SSH2: variants seen among roughly 807,000 people sequenced by gnomAD.
SSH2 encodes the protein slingshot protein phosphatase 2.
A neutral mutation model predicts 135.2 loss-of-function variants in SSH2; 37 were observed. That is an observed-to-expected ratio of 0.27 (90% CI 0.21 to 0.36). The LOEUF (loss-of-function observed/expected upper bound fraction) is 0.36. Among genes scored for constraint, SSH2 ranks in the 10% least tolerant of loss-of-function variants. The pLI, the probability that SSH2 is intolerant of heterozygous loss-of-function variation, is 1.00. For missense variants in SSH2, 1,408 were observed against 1,765.3 expected, an observed-to-expected ratio of 0.80 and a Z score of 3.63; for synonymous variants, 628 against 646.2, an observed-to-expected ratio of 0.97 and a Z score of 0.43.
intron 2 of SSH2, among the ~76,000 whole-genome samples, chr17:29,811,941 G>A (rs1169196056): frequency 6.6e-6 from 1 of 151,786 alleles, no homozygotes; most frequent in Admixed American, 6.6e-5. Flanking sequence ...ATTTTCTATC[G>A]ACTATTTTAA....
chr17:29,827,865 A>G (rs1175264549), intron 2 of SSH2, among the ~76,000 whole-genome samples: 1 of 152,170 alleles, frequency 6.6e-6, no homozygotes, highest in Non-Finnish European at 1.5e-5. Context: ...AGGTTTTAGT[A>G]GTAATGCTAT....
At chr17:29,705,509 TTATC>T (rs1325663569) in intron 3 of SSH2, among the ~76,000 whole-genome samples, 3 of 152,180 alleles carry the variant, frequency 2.0e-5, no homozygotes, top group African/African-American at 4.8e-5. Context: ...CTGCCCTCGA[TTATC>T]TATCTACTCA....
At chr17:29,719,072 C>T (rs1598871488) in intron 3 of SSH2, among the ~76,000 whole-genome samples, 1 of 152,110 alleles carries the variant, frequency 6.6e-6, no homozygotes, top group Middle Eastern at 3.4e-3. Flanking sequence ...CAATACTGGG[C>T]GGCAACAACC....
chr17:29,786,010 C>G (rs1327595493), intron 3 of SSH2, among the ~76,000 whole-genome samples: 2 of 150,988 alleles, frequency 1.3e-5, no homozygotes, highest in African/African-American at 4.9e-5. Flanking sequence ...TTCACCGTGT[C>G]AGCCAGGATG....
At chr17:29,723,847 A>G (rs147704624) in intron 3 of SSH2, among the ~76,000 whole-genome samples, 1 of 152,276 alleles carries the variant, frequency 6.6e-6, no homozygotes, top group East Asian at 1.9e-4. Context: ...CTTCCACTTG[A>G]AAAATTTACT....
rs1567831035 is a variant in SSH2, at chr17:29,636,428, T to C, written c.1802A>G (p.Lys601Arg). 2 of 1,614,086 alleles carry C rather than the reference T, an allele frequency of 1.2e-6. No individual in the cohort carries two copies. The highest frequency in any genetic ancestry group is 8.5e-7 in the Non-Finnish European group (1 of 1,180,044). ...GACATGTCCAGGCTGAATTAAGGCT[T>C]TGGATGCATGGCAATTGTCAAGAGG... ...KFPLDNCHAS[K>R]ALIQPGHVPE... The change falls in exon 15 of 16, where the codon AAA becomes AGA. Residue 601 changes from lysine (K) to arginine (R), a missense_variant. Physicochemically the swap from Lys to Arg is conservative, Grantham distance 26. This residue lies in a region of SSH2 where 1,080 missense variants were observed against 1,144.5 expected (regional missense o/e 0.94). Coordinates refer to ENST00000540801, the MANE Select transcript of SSH2 (RefSeq NM_001282129.2).
At chr17:29,735,183 G>T (rs2040324249) in intron 3 of SSH2, among the ~76,000 whole-genome samples, 1 of 152,082 alleles carries the variant, frequency 6.6e-6, no homozygotes, top group Admixed American at 6.6e-5. Flanking sequence ...CAAAGCTCTG[G>T]ACTAAAGGAA....
intron 11 of SSH2, among the ~76,000 whole-genome samples, chr17:29,658,463 G>A (rs149838417): frequency 6.6e-6 from 1 of 152,252 alleles, no homozygotes; most frequent in Non-Finnish European, 1.5e-5. Flanking sequence ...ACAAGTGCAT[G>A]CCACCATACC....
chr17:29,757,570 G>C (rs1040154837), intron 3 of SSH2, among the ~76,000 whole-genome samples: 2 of 151,896 alleles, frequency 1.3e-5, no homozygotes, highest in African/African-American at 2.4e-5. Flanking sequence ...TTTAGAAGAA[G>C]TGAATATTAT....
At chr17:29,737,806 A>G (rs2040419614) in intron 3 of SSH2, among the ~76,000 whole-genome samples, 1 of 152,262 alleles carries the variant, frequency 6.6e-6, no homozygotes, top group South Asian at 2.1e-4. Flanking sequence ...TGAGAAAGCA[A>G]GATATTCTGC....
intron 2 of SSH2, among the ~76,000 whole-genome samples, chr17:29,815,177 T>A (rs1348296340): frequency 6.8e-6 from 1 of 146,046 alleles, no homozygotes; most frequent in East Asian, 2.0e-4. Flanking sequence ...CAGGCTGGAG[T>A]GCAGTGGCTC....
At chr17:29,876,977 G>A (rs2151427329) in intron 1 of SSH2, among the ~76,000 whole-genome samples, 1 of 152,122 alleles carries the variant, frequency 6.6e-6, no homozygotes, top group African/African-American at 2.4e-5. Context: ...CATCTGACGA[G>A]GGATTAATAA....
intron 3 of SSH2, among the ~76,000 whole-genome samples, chr17:29,762,225 A>C (rs569898850): frequency 2.4e-4 from 36 of 152,266 alleles, no homozygotes; most frequent in African/African-American, 7.9e-4. Context: ...CAAACAAACA[A>C]AAAACAATTT....
In SSH2 at chr17:29,630,550, G is replaced by C. The variant is rs1240826511; in HGVS notation, c.*291C>G. The C allele has an allele frequency of 4.7e-6, 1 of 212,164 alleles. No individual in the cohort carries two copies. Among genetic ancestry groups the C allele is most frequent in the Non-Finnish European group, 9.2e-6 (1 of 108,484 alleles). The allele number at this position is 212,164 out of a possible 1,614,324, so 13.1% of individuals were successfully genotyped here. On this transcript the variant is annotated 3_prime_UTR_variant, in exon 16 of 16. Transcript: ENST00000540801. ...AATGAGAAGCAGGTGGCAGCTGACT[G>C]AAAAACAGCAATTTGCCTTTGATAA...
At chr17:29,856,500 A>G (rs541736677) in intron 1 of SSH2, among the ~76,000 whole-genome samples, 1 of 152,200 alleles carries the variant, frequency 6.6e-6, no homozygotes, top group African/African-American at 2.4e-5. Context: ...ATTTGAGCCC[A>G]GGAGGTTGAG....
At chr17:29,818,007 C>T (rs1211289479) in intron 2 of SSH2, among the ~76,000 whole-genome samples, 1 of 151,946 alleles carries the variant, frequency 6.6e-6, no homozygotes, top group Non-Finnish European at 1.5e-5. Context: ...TGGATTCAAG[C>T]AATCTTCCTA....
At chr17:29,900,471 T>C (rs1191192014) in intron 1 of SSH2, among the ~76,000 whole-genome samples, 4 of 152,158 alleles carry the variant, frequency 2.6e-5, no homozygotes, top group African/African-American at 9.7e-5. Context: ...GGGCGAAGGA[T>C]ATGAACAGAT....
intron 3 of SSH2, among the ~76,000 whole-genome samples, chr17:29,730,811 T>A (rs1421725395): frequency 6.6e-6 from 1 of 152,078 alleles, no homozygotes; most frequent in Non-Finnish European, 1.5e-5. Context: ...ATACCTACTA[T>A]GTACCCACAC....
chr17:29,708,121 C>T (rs2039283972), intron 3 of SSH2, among the ~76,000 whole-genome samples: 1 of 152,100 alleles, frequency 6.6e-6, no homozygotes, highest in Admixed American at 6.6e-5. Flanking sequence ...AAATTAAATG[C>T]TTTATTTGCA....
Sources: gnomAD v4.1 joint callset for allele counts (sites outside exome capture counted in the v4.1 genomes callset) on GRCh38, gnomAD v4.1.1 for gene constraint, gnomAD v4.1.1 regional missense constraint, MANE v1.5 for transcripts, NCBI Gene and HGNC (gene_info 2026-07-23, HGNC 2026-07-21) for gene names.